The following PPP6R1 variants were observed in gnomAD, a reference collection of about 807,000 sequenced individuals.
The protein encoded by PPP6R1 is protein phosphatase 6 regulatory subunit 1, also known as serine/threonine-protein phosphatase 6 regulatory subunit 1.
In PPP6R1, 39 loss-of-function variants were observed where a neutral mutation model predicts 104.6. The ratio of observed to expected loss-of-function variants is 0.37; its 90% confidence interval spans 0.29 to 0.49. The LOEUF (loss-of-function observed/expected upper bound fraction) is 0.49, where lower values mean the gene tolerates loss of function less well. Ranked by LOEUF, PPP6R1 falls within the 20% of genes least tolerant of loss-of-function variation. The pLI, the probability that PPP6R1 is intolerant of heterozygous loss-of-function variation, is 0.98. For synonymous variants in PPP6R1, 549 were observed against 479.0 expected (o/e 1.15, Z -1.91); for missense variants, 1,181 against 1,155.8 (o/e 1.02, Z -0.32).
intron 20 of PPP6R1, 23 bp downstream of exon 20, chr19:55,231,575 G>A (rs1165654342): frequency 2.5e-6 from 4 of 1,606,970 alleles, no homozygotes; most frequent in Admixed American, 3.4e-5. Context: ...GGCCGCGGGT[G>A]GGCAGGGCAA....
chr19:55,228,865 G>T, downstream of PPP6R1: 1 of 992,828 alleles, frequency 1.0e-6, no homozygotes, highest in Non-Finnish European at 1.5e-6. Context: ...TGATAACAGG[G>T]CCCAGGGAGA....
At chr19:55,257,878 G>A (rs1440073939) in intron 1 of PPP6R1, among the ~76,000 whole-genome samples, 1 of 152,266 alleles carries the variant, frequency 6.6e-6, no homozygotes, top group African/African-American at 2.4e-5. Flanking sequence ...GCAGGCCCGA[G>A]TGGTGGCTGC....
intron 1 of PPP6R1, among the ~76,000 whole-genome samples, chr19:55,255,438 T>G (rs4473307): frequency 0.41 from 62,985 of 152,026 alleles, 13,782 homozygotes; most frequent in Middle Eastern, 0.52. Context: ...GAAATCTCTG[T>G]GGCCTAGACC....
rs1320473009 is a variant in PPP6R1 at position 55,236,838 on chromosome 19, T to G, written c.1810-17A>C. ...GGCGTTGGGCTGCAGGGCACAGGGG[T>G]GGGAGGATGGGCCACACTGCCCACA... On this transcript the variant is annotated splice_polypyrimidine_tract_variant and intron_variant, in intron 16 of 23. Coordinates refer to ENST00000412770, the MANE Select transcript of PPP6R1 (RefSeq NM_014931.4). 8 of 1,611,756 alleles carry G rather than the reference T, an allele frequency of 5.0e-6. No individual in the cohort carries two copies. The African/African-American group carries it at 1.1e-4, about 22-fold the overall frequency.
At chr19:55,238,651 C>G (rs909614333) in intron 15 of PPP6R1, 2 of 152,226 alleles carry the variant, frequency 1.3e-5, no homozygotes, top group Non-Finnish European at 2.9e-5. Context: ...CCTGCCACCA[C>G]GCCTGGCTAA....
At chr19:55,228,373 C>G (rs1404823407), downstream of PPP6R1, 4 of 1,613,926 alleles carry the variant, frequency 2.5e-6, no homozygotes, top group Non-Finnish European at 3.4e-6. Flanking sequence ...CTCGGGAATC[C>G]AGAGGCAGAA....
At chr19:55,228,920 A>G, downstream of PPP6R1, 1 of 635,054 alleles carries the variant, frequency 1.6e-6, no homozygotes, top group South Asian at 1.8e-5. Flanking sequence ...GCCCGCTGAT[A>G]AAGCACTGTT....
chr19:55,255,059 G>A (rs540433642), intron 1 of PPP6R1, among the ~76,000 whole-genome samples: 1 of 152,330 alleles, frequency 6.6e-6, no homozygotes, highest in Non-Finnish European at 1.5e-5. Context: ...AAGATGATGA[G>A]CTAGGGCTTT....
rs536611792 is a variant in PPP6R1 at position 55,234,565 on chromosome 19, G to C, written c.1988+2078C>G. Among the ~76,000 whole-genome samples, 4 of 151,394 alleles carry C rather than the reference G, an allele frequency of 2.6e-5. No homozygotes were observed. The South Asian group carries it at 8.3e-4, about 31-fold the overall frequency. ...ATGCTATAAAACTCTTAGAAGAAAA[G>C]AGAGGGCTAAGTCAAGATGCTGGAT... On this transcript the variant is annotated intron_variant, in intron 17 of 23. Coordinates refer to ENST00000412770, the MANE Select transcript of PPP6R1 (RefSeq NM_014931.4).
chr19:55,241,213 C>T lies in PPP6R1; in HGVS notation c.1161+26G>A, dbSNP rs758263680. ...TCCAGTCCCCGCCCCAGCCCCTGAACCCCCAGCCCGGTCCAGTCCCCGCAC... is the reference window on the plus strand; with the variant it reads ...TCCAGTCCCCGCCCCAGCCCCTGAATCCCCAGCCCGGTCCAGTCCCCGCAC... On this transcript the variant is annotated intron_variant, in intron 9 of 23. Coordinates refer to ENST00000412770, the MANE Select transcript of PPP6R1 (RefSeq NM_014931.4). This position sits in a 1 kb window ranked among gnomAD's most constrained non-coding sequence, Gnocchi z 5.4. The T allele has an allele frequency of 9.0e-7, 1 of 1,106,652 alleles. No individual in the cohort carries two copies. Among genetic ancestry groups the T allele is most frequent in the Non-Finnish European group, 1.2e-6 (1 of 827,074 alleles). 68.6% of individuals were successfully genotyped at this position (1,106,652 alleles called of 1,614,324 possible). A position where few individuals can be genotyped will look rare whatever the true frequency, so the allele number is the denominator to read the frequency against.
chr19:55,248,433 C>A (rs1044439335), intron 1 of PPP6R1, among the ~76,000 whole-genome samples: 1 of 152,250 alleles, frequency 6.6e-6, no homozygotes, highest in Non-Finnish European at 1.5e-5. Context: ...TCCTGACAAC[C>A]GCATCACCAG....
At chr19:55,235,065 A>G (rs2087384249) in intron 17 of PPP6R1, among the ~76,000 whole-genome samples, 1 of 152,206 alleles carries the variant, frequency 6.6e-6, no homozygotes, top group Non-Finnish European at 1.5e-5. Context: ...ACATGTCAAT[A>G]AAAAGTGAAA....
In PPP6R1 at chr19:55,236,130, G is replaced by A. The variant is rs141925923; in HGVS notation, c.1988+513C>T. On this transcript the variant is annotated intron_variant, in intron 17 of 23. Transcript: ENST00000412770. The stretch of plus-strand genomic sequence containing the variant: ...ATTACAGGCTTGAGCCACTGTGCCC[G>A]GCTAATTTGTTGATTTCTTAATGCA... Among the ~76,000 whole-genome samples the A allele has an allele frequency of 6.6e-3, 988 of 150,226 alleles. 8 individuals carry two copies. Among genetic ancestry groups the A allele is most frequent in the African/African-American group, 0.021 (853 of 40,700 alleles).
At position 55,230,100 on chromosome 19, in the gene PPP6R1, C is replaced by T. The variant is rs145407224; in HGVS notation, c.*428G>A. On this transcript the variant is annotated 3_prime_UTR_variant, in exon 24 of 24. Transcript: ENST00000412770. The stretch of plus-strand genomic sequence containing the variant: ...GGCCGGGTGTGGGCGTGGCCGTCTG[C>T]GCTGCAGCGTGGGACAGCTGGGCAC... The T allele has an allele frequency of 9.3e-4, 167 of 179,324 alleles. No homozygotes were observed. Among genetic ancestry groups the T allele is most frequent in the Middle Eastern group, 5.1e-3 (2 of 392 alleles). The allele number at this position is 179,324 out of a possible 1,614,324, so 11.1% of individuals were successfully genotyped here. A position where few individuals can be genotyped will look rare whatever the true frequency, so the allele number is the denominator to read the frequency against.
chr19:55,231,027 C>A, intron 21 of PPP6R1, 143 bp from the exon 22 acceptor site: 1 of 720,514 alleles, frequency 1.4e-6, no homozygotes, highest in Non-Finnish European at 2.4e-6. Context: ...GAGGACGCAG[C>A]TGGCTCAGCG....
intron 21 of PPP6R1, 123 bp downstream of exon 21, chr19:55,231,287 G>A (rs2087342911): frequency 1.2e-5 from 14 of 1,178,044 alleles, no homozygotes; most frequent in Admixed American, 4.0e-5. Context: ...ACATGAGGCT[G>A]CGCCTGGGGG....
chr19:55,240,292 C>A lies in PPP6R1; in HGVS notation c.1305G>T (p.Gln435His). The A allele has an allele frequency of 6.3e-7, 1 of 1,590,654 alleles. No individual in the cohort carries two copies. The highest frequency in any genetic ancestry group is 8.6e-7 in the Non-Finnish European group (1 of 1,169,438). Reference protein sequence around the residue: ...IQNPVVKHLLQQCRLVERILT... With the variant: ...IQNPVVKHLLHQCRLVERILT... ...GGATCCGCTCCACCAGGCGGCACTG[C>A]TGCAGCAGCTGCGGGAGAGCGGGAC... The change falls in exon 11 of 24, where the codon CAG (glutamine) becomes CAT (histidine). Residue 435 changes from glutamine (Q) to histidine (H), a missense_variant. Coordinates refer to ENST00000412770, the MANE Select transcript of PPP6R1 (RefSeq NM_014931.4).
In PPP6R1 at chr19:55,245,242, C is replaced by T; in HGVS notation, c.552+23G>A. 6.3e-7 allele frequency: 1 copy of T among 1,599,586 alleles called. No individual in the cohort carries two copies. The highest frequency in any genetic ancestry group is 8.5e-7 in the Non-Finnish European group (1 of 1,173,396). On this transcript the variant is annotated intron_variant, in intron 4 of 23. Coordinates refer to ENST00000412770, the MANE Select transcript of PPP6R1 (RefSeq NM_014931.4). This position sits in a 1 kb window ranked among gnomAD's most constrained non-coding sequence, Gnocchi z 6.4. ...GTCCACCACGCCCAGCCCCCCACCCCCAGAGGAGCCGGCCCTGCTCACATT... is the reference window on the plus strand; with the variant it reads ...GTCCACCACGCCCAGCCCCCCACCCTCAGAGGAGCCGGCCCTGCTCACATT...
At chr19:55,236,523 A>C in intron 17 of PPP6R1, 120 bp downstream of exon 17, 1 of 1,152,342 alleles carries the variant, frequency 8.7e-7, no homozygotes, top group South Asian at 1.7e-5. Context: ...TAATACACAC[A>C]CCAATGCAGG....
Sources: gnomAD v4.1 joint callset for allele counts (sites outside exome capture counted in the v4.1 genomes callset) on GRCh38, gnomAD v4.1.1 for gene constraint, Gnocchi (gnomAD v3.1) non-coding constraint, MANE v1.5 for transcripts, NCBI Gene and HGNC (gene_info 2026-07-23, HGNC 2026-07-21) for gene names.